MAPK10: variants seen among roughly 807,000 people sequenced by gnomAD.
The protein encoded by MAPK10 is JNK3 alpha protein kinase.
In MAPK10, 25 loss-of-function variants were observed where a neutral mutation model predicts 59.3. The observed-to-expected ratio is 0.42, with a 90% CI of 0.31 to 0.59. The LOEUF is 0.59. Ranked by LOEUF, MAPK10 falls within the 20% of genes least tolerant of loss-of-function variation. The probability of loss-of-function intolerance (pLI) is 0.15; values close to 1 mark genes in which losing one functional copy is unlikely to be tolerated. For synonymous variants in MAPK10, 190 were observed against 200.5 expected, an observed-to-expected ratio of 0.95 and a Z score of 0.44; for missense variants, 351 against 568.9, an observed-to-expected ratio of 0.62 and a Z score of 3.90.
At chr4:86,301,150 G>C (rs945968378) in intron 2 of MAPK10, among the ~76,000 whole-genome samples, 2 of 152,048 alleles carry the variant, frequency 1.3e-5, no homozygotes, top group Non-Finnish European at 2.9e-5. Flanking sequence ...AACCAAAAAT[G>C]ACTCCAGATA....
intron 11 of MAPK10, among the ~76,000 whole-genome samples, chr4:86,043,131 G>A (rs866648682): frequency 1.3e-5 from 2 of 152,096 alleles, no homozygotes; most frequent in Admixed American, 6.6e-5. Flanking sequence ...TCTATGGGAC[G>A]ATGTGTAGAA....
At chr4:86,563,489 A>G (rs1357862378) in intron 1 of MAPK10, among the ~76,000 whole-genome samples, 1 of 152,136 alleles carries the variant, frequency 6.6e-6, no homozygotes, top group Non-Finnish European at 1.5e-5. Context: ...TATGGGATGA[A>G]GTATCTGTTT....
chr4:86,510,610 T>C (rs559172701), intron 1 of MAPK10, among the ~76,000 whole-genome samples: 34 of 151,854 alleles, frequency 2.2e-4, no homozygotes, highest in Admixed American at 1.4e-3. Context: ...TATATAAATA[T>C]ACATGAATAT....
intron 1 of MAPK10, among the ~76,000 whole-genome samples, chr4:86,516,231 A>G (rs1277662186): frequency 6.6e-6 from 1 of 152,086 alleles, no homozygotes; most frequent in Non-Finnish European, 1.5e-5. Context: ...ATTCTGTTCC[A>G]TTGGTCTACA....
chr4:86,061,479 C>G (rs1447439534), intron 11 of MAPK10, among the ~76,000 whole-genome samples: 1 of 152,098 alleles, frequency 6.6e-6, no homozygotes, highest in Non-Finnish European at 1.5e-5. Flanking sequence ...AGCTTGGCAT[C>G]CAATTTTTAA....
intron 1 of MAPK10, among the ~76,000 whole-genome samples, chr4:86,540,292 G>C (rs1333637098): frequency 6.6e-6 from 1 of 152,210 alleles, no homozygotes; most frequent in Non-Finnish European, 1.5e-5. Flanking sequence ...CTTGAGCTCA[G>C]GAGTGAGACC....
At chr4:86,414,274 G>C (rs1579125927) in intron 1 of MAPK10, among the ~76,000 whole-genome samples, 1 of 152,098 alleles carries the variant, frequency 6.6e-6, no homozygotes, top group South Asian at 2.1e-4. Flanking sequence ...TGTGGTTCTA[G>C]AACAGCTGGC....
upstream of MAPK10, among the ~76,000 whole-genome samples, chr4:86,455,288 C>G (rs1470028578): frequency 6.6e-6 from 1 of 152,094 alleles, no homozygotes; most frequent in African/African-American, 2.4e-5. Flanking sequence ...CCTCACAACT[C>G]AATACTAACA....
At chr4:86,070,049 T>G (rs2047513181) in intron 9 of MAPK10, among the ~76,000 whole-genome samples, 1 of 152,186 alleles carries the variant, frequency 6.6e-6, no homozygotes, top group East Asian at 1.9e-4. Context: ...CTTTCCTACC[T>G]TAGGTTGCTT....
chr4:86,231,771 A>T (rs2091584088), intron 2 of MAPK10, among the ~76,000 whole-genome samples: 1 of 152,230 alleles, frequency 6.6e-6, no homozygotes, highest in Non-Finnish European at 1.5e-5. Flanking sequence ...TTGCAAAAAT[A>T]TATGTTCTTA....
chr4:86,201,207 A>T (rs1399011630), intron 2 of MAPK10, among the ~76,000 whole-genome samples: 1 of 151,862 alleles, frequency 6.6e-6, no homozygotes, highest in Non-Finnish European at 1.5e-5. Context: ...ACAATATTCC[A>T]TTGTGTATAT....
chr4:86,582,473 T>C (rs1762373529), intron 1 of MAPK10, among the ~76,000 whole-genome samples: 1 of 152,204 alleles, frequency 6.6e-6, no homozygotes, highest in Non-Finnish European at 1.5e-5. Context: ...ACCAAAATTA[T>C]ACGAACCTTA....
intron 4 of MAPK10, among the ~76,000 whole-genome samples, chr4:86,152,780 T>A (rs1027028445): frequency 1.1e-4 from 17 of 152,088 alleles, no homozygotes; most frequent in Non-Finnish European, 2.1e-4. Flanking sequence ...CTATCTTTTT[T>A]AAAAAAAACA....
intron 4 of MAPK10, among the ~76,000 whole-genome samples, chr4:86,137,278 T>A (rs2062438390): frequency 1.3e-5 from 2 of 151,960 alleles, no homozygotes; most frequent in South Asian, 4.2e-4. Context: ...GACCATATAC[T>A]TGGAAGTAAA....
intron 1 of MAPK10, among the ~76,000 whole-genome samples, chr4:86,588,900 T>C (rs1441068474): frequency 1.3e-5 from 2 of 152,228 alleles, no homozygotes; most frequent in East Asian, 3.8e-4. Context: ...CTCAGATTTT[T>C]ATATGGAAAT....
chr4:86,445,800 G>T (rs528261940), intron 1 of MAPK10, among the ~76,000 whole-genome samples: 1 of 152,056 alleles, frequency 6.6e-6, no homozygotes, highest in South Asian at 2.1e-4. Flanking sequence ...AGTGTAAGAG[G>T]CTTTCTCAAA....
At chr4:86,053,312 AG>A (rs2043923893) in intron 11 of MAPK10, among the ~76,000 whole-genome samples, 1 of 152,192 alleles carries the variant, frequency 6.6e-6, no homozygotes, top group South Asian at 2.1e-4. Context: ...GATGGGTAGG[AG>A]TGCCTTAGAG....
intron 11 of MAPK10, among the ~76,000 whole-genome samples, chr4:86,048,775 A>G (rs1212635823): frequency 6.6e-6 from 1 of 152,140 alleles, no homozygotes; most frequent in Non-Finnish European, 1.5e-5. Context: ...TACTTCACTA[A>G]TGTTAGAGGG....
chr4:86,185,473 G>T (rs2077981144), intron 3 of MAPK10, among the ~76,000 whole-genome samples: 1 of 152,074 alleles, frequency 6.6e-6, no homozygotes, highest in Non-Finnish European at 1.5e-5. Flanking sequence ...TTATTATAAG[G>T]ATTTTAATTT....
Sources: allele counts gnomAD v4.1 joint callset (sites outside exome capture counted in the v4.1 genomes callset), GRCh38; gene constraint gnomAD v4.1.1; transcripts MANE v1.5; gene names NCBI Gene and HGNC (gene_info 2026-07-23, HGNC 2026-07-21).